Variants in ASTN2 observed in about 807,000 individuals in gnomAD.
ASTN2 encodes astrotactin 2.
Under a neutral mutation model 139.8 loss-of-function variants are expected in ASTN2, and 54 were observed. The observed-to-expected ratio is 0.39, with a 90% CI of 0.31 to 0.48. The LOEUF (loss-of-function observed/expected upper bound fraction) is 0.48. ASTN2 is among the 20% of genes least tolerant of loss of function. The pLI is 0.95. For missense variants in ASTN2, 1,565 were observed against 1,725.1 expected, an observed-to-expected ratio of 0.91 and a Z score of 1.64; for synonymous variants, 756 against 719.5, an observed-to-expected ratio of 1.05 and a Z score of -0.81.
In ASTN2 at chr9:117,320,478, T is replaced by G. The variant is rs141757196; in HGVS notation, c.443-28965A>C. On this transcript the variant is annotated intron_variant, in intron 1 of 22. Transcript: ENST00000313400. ...TTATATTTGCTGCTTAGAATCATACTGAGGGGTAAGGATTACTATACTGTC... is the reference window on the plus strand; with the variant it reads ...TTATATTTGCTGCTTAGAATCATACGGAGGGGTAAGGATTACTATACTGTC... Among the ~76,000 whole-genome samples the G allele has an allele frequency of 9.0e-3, 1,372 of 152,266 alleles. 19 individuals are homozygous for G. The highest frequency in any genetic ancestry group is 0.031 in the African/African-American group (1,295 of 41,556).
chr9:117,043,383 T>C (rs1234984038), intron 5 of ASTN2, among the ~76,000 whole-genome samples: 1 of 152,126 alleles, frequency 6.6e-6, no homozygotes, highest in East Asian at 1.9e-4. Flanking sequence ...AAGGCATATC[T>C]CATTCCTGGC....
intron 5 of ASTN2, among the ~76,000 whole-genome samples, chr9:117,061,451 T>G (rs1170892264): frequency 6.6e-6 from 1 of 152,148 alleles, no homozygotes; most frequent in Non-Finnish European, 1.5e-5. Context: ...TCTGCTTTGC[T>G]GATGTGTAGT....
rs148724828 is a variant in ASTN2, at chr9:116,933,979, CTTTTTTTTT to C, written c.1889+41220_1889+41228del. 9.1e-4 allele frequency among the ~76,000 whole-genome samples: 79 copies of C among 86,894 alleles called. 1 individual carries two copies. The highest frequency in any genetic ancestry group is 9.9e-4 in the Admixed American group (7 of 7,058). The allele number at this position is 86,894 out of a possible 152,430, so 57.0% of individuals were successfully genotyped here. ...ACCTCAGTTGTGCGAAGTGTTAGTC[CTTTTTTTTT>C]TTTTTTTTTTTTTTCTGGATCAAGG... is the stretch of plus-strand genomic sequence containing the variant. On this transcript the variant is annotated intron_variant, in intron 10 of 22. Transcript: ENST00000313400.
intron 6 of ASTN2, among the ~76,000 whole-genome samples, chr9:117,029,299 C>T (rs944963677): frequency 6.6e-6 from 1 of 152,148 alleles, no homozygotes; most frequent in East Asian, 1.9e-4. Context: ...GTTATTGCAA[C>T]CATTGGGAGG....
At chr9:117,021,632 C>G (rs764058600) in intron 6 of ASTN2, among the ~76,000 whole-genome samples, 4 of 152,116 alleles carry the variant, frequency 2.6e-5, no homozygotes, top group African/African-American at 4.8e-5. Context: ...AGCAGAAATA[C>G]AGAGCGAGGC....
chr9:116,858,801 A>T (rs910392456), intron 11 of ASTN2, among the ~76,000 whole-genome samples: 1 of 152,186 alleles, frequency 6.6e-6, no homozygotes, highest in East Asian at 1.9e-4. Flanking sequence ...TAGCATAATT[A>T]TTTATATATT....
intron 5 of ASTN2, among the ~76,000 whole-genome samples, chr9:117,086,510 G>A (rs1428409068): frequency 3.3e-5 from 5 of 152,162 alleles, no homozygotes; most frequent in Admixed American, 3.3e-4. Context: ...GGAGGTGGAG[G>A]TTGCAGTGAG....
At chr9:116,477,984 A>C (rs1404729031) in intron 20 of ASTN2, among the ~76,000 whole-genome samples, 2 of 151,118 alleles carry the variant, frequency 1.3e-5, no homozygotes, top group African/African-American at 2.4e-5. Flanking sequence ...AAAGAGAAGA[A>C]ACAGAGGGCA....
At chr9:117,126,306 C>G (rs1197333124) in intron 4 of ASTN2, among the ~76,000 whole-genome samples, 1 of 152,170 alleles carries the variant, frequency 6.6e-6, no homozygotes, top group South Asian at 2.1e-4. Context: ...GACACAGCTA[C>G]AATGTAGCAG....
chr9:116,504,924 A>G (rs1334522059), intron 19 of ASTN2, among the ~76,000 whole-genome samples: 1 of 150,956 alleles, frequency 6.6e-6, no homozygotes, highest in Non-Finnish European at 1.5e-5. Flanking sequence ...ACCCAAAACA[A>G]CAACAACAAA....
chr9:116,679,574 G>C (rs1859711446), intron 16 of ASTN2, among the ~76,000 whole-genome samples: 2 of 151,962 alleles, frequency 1.3e-5, no homozygotes, highest in Non-Finnish European at 2.9e-5. Context: ...GTCTTCAAGT[G>C]TGGCTGCCCT....
At chr9:116,981,038 C>T (rs984253709) in intron 7 of ASTN2, among the ~76,000 whole-genome samples, 1 of 152,108 alleles carries the variant, frequency 6.6e-6, no homozygotes, top group Non-Finnish European at 1.5e-5. Flanking sequence ...CATCTCAGCA[C>T]CTCCTGCATT....
chr9:116,714,348 C>T (rs1221684658), intron 16 of ASTN2, among the ~76,000 whole-genome samples: 1 of 152,158 alleles, frequency 6.6e-6, no homozygotes, highest in Non-Finnish European at 1.5e-5. Context: ...TCTTAGGCTG[C>T]TGTAGTCAGG....
chr9:116,582,560 C>T (rs1853994068), intron 19 of ASTN2: 1 of 152,196 alleles, frequency 6.6e-6, no homozygotes, highest in African/African-American at 2.4e-5. Context: ...TGCTGAACAC[C>T]GTTCTCTTCA....
intron 11 of ASTN2, among the ~76,000 whole-genome samples, chr9:116,841,984 TCTGA>T (rs1342771478): frequency 6.6e-6 from 1 of 151,970 alleles, no homozygotes; most frequent in Non-Finnish European, 1.5e-5. Context: ...CAAGCAAGAG[TCTGA>T]CTGAGCCCAC....
intron 2 of ASTN2, among the ~76,000 whole-genome samples, chr9:117,230,021 T>C (rs369402084): frequency 8.1e-5 from 12 of 148,674 alleles, no homozygotes; most frequent in East Asian, 6.0e-4. Context: ...AAAATAAAAA[T>C]AAAAAAAGGC....
chr9:117,187,609 A>G (rs1348725898), intron 3 of ASTN2, among the ~76,000 whole-genome samples: 2 of 152,108 alleles, frequency 1.3e-5, no homozygotes, highest in Non-Finnish European at 2.9e-5. Context: ...ATCTGTTTTA[A>G]AAACTAGGTT....
chr9:116,563,300 G>A (rs1003032493), intron 19 of ASTN2, among the ~76,000 whole-genome samples: 25 of 151,908 alleles, frequency 1.6e-4, no homozygotes, highest in African/African-American at 3.9e-4. Flanking sequence ...GTGTGAACCC[G>A]GGAGGCAGAG....
At chr9:116,843,958 G>C (rs931178119) in intron 11 of ASTN2, among the ~76,000 whole-genome samples, 1 of 152,058 alleles carries the variant, frequency 6.6e-6, no homozygotes, top group Non-Finnish European at 1.5e-5. Flanking sequence ...AAAAAACTCT[G>C]TAAATTATTT....
Sources: allele counts gnomAD v4.1 joint callset (sites outside exome capture counted in the v4.1 genomes callset), GRCh38; gene constraint gnomAD v4.1.1; transcripts MANE v1.5; gene names NCBI Gene and HGNC (gene_info 2026-07-23, HGNC 2026-07-21).